Variants in ROR2 observed in about 807,000 individuals in gnomAD.
ROR2 encodes the protein ROR family WNT receptor 2.
Under a neutral mutation model 74.9 loss-of-function variants are expected in ROR2, and 33 were observed. The ratio of observed to expected loss-of-function variants is 0.44; its 90% CI spans 0.33 to 0.59. ROR2 has a LOEUF of 0.59. ROR2 is among the 20% of genes least tolerant of loss of function. ROR2 has a pLI of 0.02. For missense variants in ROR2, 1,216 were observed against 1,313.8 expected, an observed-to-expected ratio of 0.93 and a Z score of 1.15; for synonymous variants, 586 against 558.7, an observed-to-expected ratio of 1.05 and a Z score of -0.69.
intron 1 of ROR2, among the ~76,000 whole-genome samples, chr9:91,911,852 A>G (rs576932401): frequency 6.7e-6 from 1 of 149,418 alleles, no homozygotes; most frequent in South Asian, 2.2e-4. Flanking sequence ...GAAAAGGAAC[A>G]GAGAAATTCA....
chr9:91,930,227 C>T (rs1831514641), intron 1 of ROR2, among the ~76,000 whole-genome samples: 1 of 152,234 alleles, frequency 6.6e-6, no homozygotes, highest in Non-Finnish European at 1.5e-5. Context: ...CCTCTTCAAA[C>T]GTTCTTGCTC....
chr9:91,762,222 C>T (rs1451772892), intron 2 of ROR2, among the ~76,000 whole-genome samples: 1 of 152,208 alleles, frequency 6.6e-6, no homozygotes, highest in African/African-American at 2.4e-5. Flanking sequence ...TGTGGTTACA[C>T]TGGGCCTACC....
In ROR2 at chr9:91,723,655, G is replaced by T; in HGVS notation, c.*7C>A. On this transcript the variant is annotated 3_prime_UTR_variant, in exon 9 of 9. Coordinates refer to ENST00000375708, the MANE Select transcript of ROR2 (RefSeq NM_004560.4). ...TTCTATCCCCGAACCCCGGGCCCTG[G>T]TGCCACTCAAGCTTCCAGCTGGACT... The T allele has an allele frequency of 6.2e-7, 1 of 1,613,136 alleles. No individual in the cohort carries two copies.
At position 91,838,205 on chromosome 9, in the gene ROR2, C is replaced by T. The variant is rs532411975; in HGVS notation, c.98-62387G>A. 1.5e-3 allele frequency among the ~76,000 whole-genome samples: 225 copies of T among 152,298 alleles called. 9 individuals carry two copies. In the South Asian group the frequency reaches 0.046, roughly 31 times the overall value. On this transcript the variant is annotated intron_variant, in intron 1 of 8. Transcript: ENST00000375708. ...CACTGCAACTTTAAGAAGGAAAAATCGCCCCTTTGAAATGCTCAACTTAGC... is the reference window on the plus strand; with the variant it reads ...CACTGCAACTTTAAGAAGGAAAAATTGCCCCTTTGAAATGCTCAACTTAGC...
chr9:91,768,967 A>G (rs998824870), intron 2 of ROR2, among the ~76,000 whole-genome samples: 6 of 152,202 alleles, frequency 3.9e-5, no homozygotes, highest in African/African-American at 1.4e-4. Flanking sequence ...GAGTGGTGCA[A>G]CGCTCACAAC....
At chr9:91,845,052 T>C (rs7019203) in intron 1 of ROR2, among the ~76,000 whole-genome samples, 2 of 152,162 alleles carry the variant, frequency 1.3e-5, no homozygotes, top group African/African-American at 4.8e-5. Context: ...AAAGTTACGG[T>C]GGCCTGTAAG....
At chr9:91,923,364 TA>T (rs1279316485) in intron 1 of ROR2, among the ~76,000 whole-genome samples, 3 of 152,236 alleles carry the variant, frequency 2.0e-5, no homozygotes, top group African/African-American at 7.2e-5. Context: ...TTTGTAATTT[TA>T]TTCAGTCTGA....
In ROR2 at chr9:91,857,641, G is replaced by GGT. The variant is rs563766387; in HGVS notation, c.98-81825_98-81824dup. ...TGCTAGGCAGGACCCAGGACGAGGG[G>GGT]GTGGCAAGCCCGGAGGCAGGCCCCT... is the stretch of plus-strand genomic sequence containing the variant. On this transcript the variant is annotated intron_variant, in intron 1 of 8. Transcript: ENST00000375708. Among the ~76,000 whole-genome samples, 672 of 152,226 alleles carry GGT rather than the reference G, an allele frequency of 4.4e-3. 2 individuals carry two copies. Among genetic ancestry groups the GGT allele is most frequent in the Admixed American group, 8.6e-3 (131 of 15,298 alleles).
chr9:91,896,099 T>C (rs74548355), intron 1 of ROR2, among the ~76,000 whole-genome samples: 10,663 of 152,274 alleles, frequency 0.07, 624 homozygotes, highest in African/African-American at 0.15. Flanking sequence ...CAAAAAAGGA[T>C]GAAATCCATA....
In ROR2 at chr9:91,724,000, C is replaced by T; in HGVS notation, c.2494G>A (p.Ala832Thr). Residue 832 changes from alanine (A) to threonine (T), a missense_variant, in exon 9 of 9, where the codon GCC (alanine) becomes ACC (threonine). By Grantham distance (58) the Ala-to-Thr change is moderately conservative (BLOSUM62 0). Coordinates refer to ENST00000375708, the MANE Select transcript of ROR2 (RefSeq NM_004560.4). ...ACCGGGTAGAAGTTGGGCAGGTAGG[C>T]CCCATAGGCCGGCACCGGCTGGTAG... ...NGYQPVPAYG[A>T]YLPNFYPVQI... The T allele has an allele frequency of 1.2e-6, 2 of 1,612,726 alleles. No individual in the cohort carries two copies. Among genetic ancestry groups the T allele is most frequent in the Non-Finnish European group, 1.7e-6 (2 of 1,180,020 alleles).
At chr9:91,909,847 G>GTTTTTTGTTTTTTTT (rs1564032282) in intron 1 of ROR2, among the ~76,000 whole-genome samples, 25 of 53,612 alleles carry the variant, frequency 4.7e-4, no homozygotes, top group Non-Finnish European at 5.6e-4. Flanking sequence ...GGTTTGTTTT[G>GTTTTTTGTTTTTTTT]TTTTTTTTTT....
intron 1 of ROR2, among the ~76,000 whole-genome samples, chr9:91,837,680 AT>A (rs1828651407): frequency 1.3e-5 from 2 of 152,200 alleles, no homozygotes; most frequent in Non-Finnish European, 2.9e-5. Context: ...CATTTTCAAG[AT>A]GTTTAACGTG....
chr9:91,820,201 C>T (rs1024896203), intron 1 of ROR2, among the ~76,000 whole-genome samples: 14 of 152,176 alleles, frequency 9.2e-5, no homozygotes, highest in Non-Finnish European at 1.9e-4. Flanking sequence ...ACTGCCCCCA[C>T]CTCAAATTTT....
At chr9:91,782,922 C>T (rs779973965) in intron 1 of ROR2, among the ~76,000 whole-genome samples, 1 of 152,228 alleles carries the variant, frequency 6.6e-6, no homozygotes, top group Non-Finnish European at 1.5e-5. Flanking sequence ...TTTCCTAAGG[C>T]AGCCACAACA....
intron 2 of ROR2, among the ~76,000 whole-genome samples, chr9:91,759,126 G>A (rs1422505513): frequency 1.3e-5 from 2 of 152,132 alleles, no homozygotes; most frequent in African/African-American, 2.4e-5. Flanking sequence ...AGATTTAATC[G>A]GAAAATTATA....
chr9:91,786,158 C>CAAAAAAAAAAAAAAAAAAAAAAAA lies in ROR2; in HGVS notation c.98-10341_98-10340insTTTTTTTTTTTTTTTTTTTTTTTT, dbSNP rs35972600. ...TAACATACGGAAACCCTGTTTCTACCAAAAAAAAAAAAAAAAAAAAAAGCC... is the reference window on the plus strand; with the variant it reads ...TAACATACGGAAACCCTGTTTCTACCAAAAAAAAAAAAAAAAAAAAAAAAAAAAAAAAAAAAAAAAAAAAAAGCC... On this transcript the variant is annotated intron_variant, in intron 1 of 8. Coordinates refer to ENST00000375708, the MANE Select transcript of ROR2 (RefSeq NM_004560.4). 3.5e-5 allele frequency among the ~76,000 whole-genome samples: 2 copies of CAAAAAAAAAAAAAAAAAAAAAAAA among 56,540 alleles called. 1 individual carries two copies. The highest frequency in any genetic ancestry group is 6.1e-5 in the Non-Finnish European group (2 of 32,910). The allele number at this position is 56,540 out of a possible 152,430, so 37.1% of individuals were successfully genotyped here.
chr9:91,948,191 C>T (rs1222744014), intron 1 of ROR2, among the ~76,000 whole-genome samples: 1 of 152,202 alleles, frequency 6.6e-6, no homozygotes, highest in Non-Finnish European at 1.5e-5. Flanking sequence ...CATCTAAAAA[C>T]CCCCACCACA....
chr9:91,793,571 G>C (rs1340728651), intron 1 of ROR2, among the ~76,000 whole-genome samples: 4 of 152,072 alleles, frequency 2.6e-5, no homozygotes, highest in Non-Finnish European at 5.9e-5. Flanking sequence ...GGCCAGCCTG[G>C]CCAACATAGT....
intron 1 of ROR2, 121 bp from the exon 2 acceptor site, chr9:91,775,939 G>A (rs2118934943): frequency 1.3e-6 from 1 of 788,218 alleles, no homozygotes; most frequent in South Asian, 1.5e-5. Flanking sequence ...AGAAAACACA[G>A]AGGGATAAGA....
Sources: allele counts gnomAD v4.1 joint callset (sites outside exome capture counted in the v4.1 genomes callset), GRCh38; gene constraint gnomAD v4.1.1; transcripts MANE v1.5; gene names NCBI Gene and HGNC (gene_info 2026-07-23, HGNC 2026-07-21).